Variants in SGCZ observed in about 807,000 individuals in gnomAD.
The protein encoded by SGCZ is sarcoglycan zeta, also known as zeta-sarcoglycan.
In SGCZ, 40 loss-of-function variants were observed where a neutral mutation model predicts 41.3. The observed-to-expected ratio is 0.97, with a 90% confidence interval of 0.75 to 1.26. SGCZ has a LOEUF of 1.26. Ranked by LOEUF, SGCZ falls within the 50% of genes most tolerant of loss-of-function variation. The pLI, the probability that SGCZ is intolerant of heterozygous loss-of-function variation, is 0.00. For synonymous variants in SGCZ, 206 were observed against 137.5 expected (o/e 1.50, Z -3.49); for missense variants, 552 against 369.8 (o/e 1.49, Z -4.04).
intron 1 of SGCZ, among the ~76,000 whole-genome samples, chr8:14,681,563 G>A (rs1305696649): frequency 2.0e-5 from 3 of 152,140 alleles, no homozygotes; most frequent in Non-Finnish European, 4.4e-5. Flanking sequence ...ATGATATAAA[G>A]AGAAGCTAAA....
intron 3 of SGCZ, among the ~76,000 whole-genome samples, chr8:14,250,999 G>A (rs1294817386): frequency 6.6e-6 from 1 of 152,106 alleles, no homozygotes; most frequent in East Asian, 1.9e-4. Flanking sequence ...AGGCTGAGGT[G>A]GAGGGATCAC....
intron 2 of SGCZ, among the ~76,000 whole-genome samples, chr8:14,394,219 C>G (rs888970999): frequency 1.4e-5 from 2 of 143,578 alleles, no homozygotes; most frequent in Admixed American, 7.6e-5. Context: ...GGCATGATCT[C>G]GGCTCACTGC....
chr8:14,500,832 T>A (rs1344415954), intron 2 of SGCZ, among the ~76,000 whole-genome samples: 1 of 152,008 alleles, frequency 6.6e-6, no homozygotes, highest in African/African-American at 2.4e-5. Context: ...GTTTTTCTGG[T>A]TTTCATATGT....
chr8:14,384,674 C>T lies in SGCZ; in HGVS notation c.235-60470G>A, dbSNP rs369890067. ...TCCTAGGCTCAAGCAATTGTCCTGC[C>T]TCAGCCACCCTAGTAGCTGGGATTA... On this transcript the variant is annotated intron_variant, in intron 2 of 7. Coordinates refer to ENST00000382080, the MANE Select transcript of SGCZ (RefSeq NM_139167.4). Among the ~76,000 whole-genome samples, 123 of 152,276 alleles carry T rather than the reference C, an allele frequency of 8.1e-4. 4 individuals are homozygous for T. The South Asian group carries it at 0.025, about 32-fold the overall frequency.
At chr8:14,691,701 A>T (rs1194553832) in intron 1 of SGCZ, among the ~76,000 whole-genome samples, 1 of 152,106 alleles carries the variant, frequency 6.6e-6, no homozygotes, top group Admixed American at 6.5e-5. Flanking sequence ...GAGTTATGTT[A>T]GTCAGATTTA....
At chr8:15,173,011 G>A (rs1799890631) in intron 1 of SGCZ, among the ~76,000 whole-genome samples, 1 of 152,116 alleles carries the variant, frequency 6.6e-6, no homozygotes, top group Non-Finnish European at 1.5e-5. Context: ...ACAATGTTGT[G>A]ATAATTCACT....
chr8:14,224,848 T>C (rs1806318791), intron 4 of SGCZ, among the ~76,000 whole-genome samples: 1 of 152,182 alleles, frequency 6.6e-6, no homozygotes, highest in Admixed American at 6.5e-5. Context: ...AACTACTTGC[T>C]CTTGTTACTT....
At chr8:14,684,370 T>C (rs4831637) in intron 1 of SGCZ, among the ~76,000 whole-genome samples, 95,409 of 152,048 alleles carry the variant, frequency 0.63, 32,300 homozygotes, top group Non-Finnish European at 0.75. Flanking sequence ...AACGTATTTA[T>C]GTACAGACAC....
chr8:15,141,907 A>G (rs377487441), intron 1 of SGCZ, among the ~76,000 whole-genome samples: 1 of 119,738 alleles, frequency 8.4e-6, no homozygotes, highest in Non-Finnish European at 1.8e-5. Context: ...AAAAAAAAAA[A>G]AACAAAAAAA....
At chr8:14,225,256 AC>A (rs1462743320) in intron 4 of SGCZ, among the ~76,000 whole-genome samples, 1 of 152,008 alleles carries the variant, frequency 6.6e-6, no homozygotes, top group Non-Finnish European at 1.5e-5. Flanking sequence ...TTAATGTTGT[AC>A]CCCCAAAAGT....
At chr8:14,171,234 A>G (rs916324752) in intron 4 of SGCZ, among the ~76,000 whole-genome samples, 2 of 147,314 alleles carry the variant, frequency 1.4e-5, no homozygotes, top group Admixed American at 1.4e-4. Flanking sequence ...ATTTTGACAC[A>G]TGTATCAGGG....
chr8:14,724,987 C>T (rs1810005333), intron 1 of SGCZ, among the ~76,000 whole-genome samples: 1 of 152,090 alleles, frequency 6.6e-6, no homozygotes, highest in Admixed American at 6.6e-5. Flanking sequence ...ACCAACACCA[C>T]TTTATCCCAT....
intron 1 of SGCZ, among the ~76,000 whole-genome samples, chr8:14,978,408 T>C (rs1056436230): frequency 4.4e-5 from 6 of 137,806 alleles, no homozygotes; most frequent in Non-Finnish European, 9.0e-5. Flanking sequence ...GAGGTGGAGG[T>C]TGTAGTGAGC....
chr8:15,233,455 A>G (rs1802022872), intron 1 of SGCZ, among the ~76,000 whole-genome samples: 1 of 151,776 alleles, frequency 6.6e-6, no homozygotes, highest in Non-Finnish European at 1.5e-5. Context: ...TTTTTAATCA[A>G]TCTCTTGTTT....
chr8:14,269,228 T>G (rs562825469), intron 3 of SGCZ, among the ~76,000 whole-genome samples: 1 of 152,306 alleles, frequency 6.6e-6, no homozygotes, highest in Non-Finnish European at 1.5e-5. Context: ...TATTTGAGAT[T>G]ATTACTTTAA....
At chr8:15,143,508 T>C (rs897000159) in intron 1 of SGCZ, among the ~76,000 whole-genome samples, 1 of 152,250 alleles carries the variant, frequency 6.6e-6, no homozygotes, top group African/African-American at 2.4e-5. Flanking sequence ...CAAAGTGTTT[T>C]GAAAATAGCC....
chr8:15,015,541 G>T (rs535084149), intron 1 of SGCZ, among the ~76,000 whole-genome samples: 1 of 151,698 alleles, frequency 6.6e-6, no homozygotes, highest in African/African-American at 2.4e-5. Context: ...TAAAAAATTA[G>T]GCGAGTGTGA....
At chr8:15,193,664 T>A (rs1037220932) in intron 1 of SGCZ, among the ~76,000 whole-genome samples, 2 of 151,338 alleles carry the variant, frequency 1.3e-5, no homozygotes, top group African/African-American at 4.9e-5. Flanking sequence ...CTCTTACAAC[T>A]GCAATTTCTT....
At chr8:14,852,332 G>C (rs1310425093) in intron 1 of SGCZ, among the ~76,000 whole-genome samples, 2 of 152,090 alleles carry the variant, frequency 1.3e-5, no homozygotes, top group African/African-American at 4.8e-5. Flanking sequence ...ATAATACTTT[G>C]TAAATAATTT....
Sources: gnomAD v4.1 joint callset for allele counts (sites outside exome capture counted in the v4.1 genomes callset) on GRCh38, gnomAD v4.1.1 for gene constraint, MANE v1.5 for transcripts, NCBI Gene and HGNC (gene_info 2026-07-23, HGNC 2026-07-21) for gene names.